The following AFG3L2 variants were observed in gnomAD, a reference collection of about 807,000 sequenced individuals.
AFG3L2 encodes the protein AFG3 like matrix AAA peptidase subunit 2.
A neutral mutation model predicts 94.5 loss-of-function variants in AFG3L2; 54 were observed. The ratio of observed to expected loss-of-function variants is 0.57; its 90% CI spans 0.46 to 0.72. The LOEUF (loss-of-function observed/expected upper bound fraction) is 0.72, where lower values mean the gene tolerates loss of function less well. Among genes scored for constraint, AFG3L2 ranks in the 30% least tolerant of loss-of-function variants. The pLI is 0.00. For missense variants in AFG3L2, 754 were observed against 994.9 expected (o/e 0.76, Z 3.26); for synonymous variants, 377 against 365.5 (o/e 1.03, Z -0.36).
chr18:12,332,959 TATA>T (rs1297591967), intron 16 of AFG3L2, among the ~76,000 whole-genome samples: 2 of 17,262 alleles, frequency 1.2e-4, no homozygotes, highest in Non-Finnish European at 4.4e-4. Flanking sequence ...TATTATATAC[TATA>T]ATATATTATA....
At chr18:12,333,629 T>C (rs1351880301) in intron 16 of AFG3L2, among the ~76,000 whole-genome samples, 1 of 151,946 alleles carries the variant, frequency 6.6e-6, no homozygotes, top group Non-Finnish European at 1.5e-5. Context: ...CCTCCCAAAG[T>C]GCTGGGATTA....
intron 16 of AFG3L2, among the ~76,000 whole-genome samples, chr18:12,332,573 A>G (rs1288754780): frequency 6.6e-6 from 1 of 151,900 alleles, no homozygotes; most frequent in Non-Finnish European, 1.5e-5. Context: ...GATAATCCCC[A>G]TGTAACCACT....
chr18:12,370,297 T>C, intron 3 of AFG3L2, among the ~76,000 whole-genome samples: 1 of 152,120 alleles, frequency 6.6e-6, no homozygotes, highest in East Asian at 1.9e-4. Flanking sequence ...CTACCAAATA[T>C]GCTTAGTTTG....
chr18:12,344,372 A>G, intron 13 of AFG3L2, 125 bp from the exon 14 acceptor site: 3 of 790,452 alleles, frequency 3.8e-6, no homozygotes, highest in Non-Finnish European at 6.5e-6. Flanking sequence ...TGCCTATCAC[A>G]ATCCAAAAAT....
chr18:12,348,369 T>G lies in AFG3L2; in HGVS notation c.1567A>C (p.Asn523His). Reference protein sequence around the residue: ...TPGFSGADVANVCNEAALIAA... With the variant: ...TPGFSGADVAHVCNEAALIAA... Reference sequence around the variant, plus strand: ...ATCAACGCAGCTTCATTACAGACATTAGCAACATCAGCACCTAAAAAATGA... The same window carrying G: ...ATCAACGCAGCTTCATTACAGACATGAGCAACATCAGCACCTAAAAAATGA... Residue 523 changes from asparagine to histidine, a missense_variant, in exon 13 of 17, where the codon AAT becomes CAT. Asn to His is a moderately conservative substitution (Grantham distance 68, BLOSUM62 1). Coordinates refer to ENST00000269143, the MANE Select transcript of AFG3L2 (RefSeq NM_006796.3). 1 of 1,614,076 alleles carries G rather than the reference T, an allele frequency of 6.2e-7. No individual in the cohort carries two copies. The highest frequency in any genetic ancestry group is 8.5e-7 in the Non-Finnish European group (1 of 1,179,970).
chr18:12,377,096 GC>G lies in AFG3L2; in HGVS notation c.-15del. On this transcript the variant is annotated 5_prime_UTR_variant, in exon 1 of 17. Coordinates refer to ENST00000269143, the MANE Select transcript of AFG3L2 (RefSeq NM_006796.3). ...GCGGTGCGCCATGGCCGCCGCCGTG[GC>G]CCTCTCGGCCCGGGACGCTGCGCAG... 2 of 1,394,070 alleles carry G rather than the reference GC, an allele frequency of 1.4e-6. 1 individual carries two copies. The highest frequency in any genetic ancestry group is 1.9e-6 in the Non-Finnish European group (2 of 1,071,054). 86.4% of individuals were successfully genotyped at this position (1,394,070 alleles called of 1,614,324 possible).
chr18:12,361,574 G>A (rs988654015), intron 6 of AFG3L2, among the ~76,000 whole-genome samples: 1 of 152,182 alleles, frequency 6.6e-6, no homozygotes. Context: ...TTGAACCTGG[G>A]AGGCGGAAGT....
intron 16 of AFG3L2, among the ~76,000 whole-genome samples, chr18:12,335,862 T>C (rs762696252): frequency 6.6e-6 from 1 of 152,272 alleles, no homozygotes; most frequent in Non-Finnish European, 1.5e-5. Context: ...CTCATTTCAC[T>C]GCACACTTTT....
Position 12,377,086 on chromosome 18 carries a change from C to G in AFG3L2, c.-4G>C. 7.1e-7 allele frequency: 1 copy of G among 1,412,532 alleles called. No homozygotes were observed. Among genetic ancestry groups the G allele is most frequent in the Non-Finnish European group, 9.2e-7 (1 of 1,082,264 alleles). The allele number at this position is 1,412,532 out of a possible 1,614,324, so 87.5% of individuals were successfully genotyped here. On this transcript the variant is annotated 5_prime_UTR_variant, in exon 1 of 17. Coordinates refer to ENST00000269143, the MANE Select transcript of AFG3L2 (RefSeq NM_006796.3). Reference sequence around the variant, plus strand: ...GCCGCAAACAGCGGTGCGCCATGGCCGCCGCCGTGGCCCTCTCGGCCCGGG... The same window carrying G: ...GCCGCAAACAGCGGTGCGCCATGGCGGCCGCCGTGGCCCTCTCGGCCCGGG...
Position 12,370,931 on chromosome 18 carries a change from TAGAAAA to T in AFG3L2, c.215-11_215-6del, listed in dbSNP as rs533823759. ...TAGGAAAGTATTTTTCAAATCCTGT[TAGAAAA>T]AGAAAAAAAATACTTATCTTCAAAC... On this transcript the variant is annotated splice_polypyrimidine_tract_variant and splice_region_variant and intron_variant, in intron 2 of 16. Coordinates refer to ENST00000269143, the MANE Select transcript of AFG3L2 (RefSeq NM_006796.3). 2.7e-4 allele frequency: 410 copies of T among 1,500,916 alleles called. 1 individual carries two copies. Among genetic ancestry groups the T allele is most frequent in the Middle Eastern group, 5.5e-4 (3 of 5,460 alleles). The allele number at this position is 1,500,916 out of a possible 1,614,324, so 93.0% of individuals were successfully genotyped here.
intron 3 of AFG3L2, among the ~76,000 whole-genome samples, chr18:12,370,467 T>C (rs1004305420): frequency 1.5e-5 from 2 of 133,522 alleles, no homozygotes; most frequent in East Asian, 2.3e-4. Flanking sequence ...AACTTTCTTT[T>C]TTTTTTTTTT....
At position 12,367,346 on chromosome 18, in the gene AFG3L2, C is replaced by T; in HGVS notation, c.329G>A (p.Gly110Glu). The change falls in exon 4 of 17, where the codon GGA (glycine) becomes GAA (glutamate). Residue 110 changes from glycine to glutamate, a missense_variant. By Grantham distance (98) the Gly-to-Glu change is moderately conservative. Around this residue, in one of 4 missense-constraint regions of AFG3L2, gnomAD observed 236 missense variants for 214.0 expected, o/e 1.10. Coordinates refer to ENST00000269143, the MANE Select transcript of AFG3L2 (RefSeq NM_006796.3). ...TCGTTTTCCACCGCCACCACCTCCT[C>T]CTCCAGAAGAGCGTGTGGTAGCAGC... ...KPAATTRSSGGGGGGGGKRGG... is the reference protein window; with the variant it reads ...KPAATTRSSGEGGGGGGKRGG... The T allele has an allele frequency of 3.1e-6, 5 of 1,614,204 alleles. No individual in the cohort carries two copies. Among genetic ancestry groups the T allele is most frequent in the Non-Finnish European group, 4.2e-6 (5 of 1,180,042 alleles).
intron 9 of AFG3L2, 76 bp from the exon 10 acceptor site, chr18:12,353,234 G>A: frequency 6.4e-7 from 1 of 1,564,762 alleles, no homozygotes; most frequent in South Asian, 1.1e-5. Context: ...AAATAAATCG[G>A]CCGGGCACAG....
chr18:12,340,998 T>C (rs896301069), intron 14 of AFG3L2: 1 of 153,530 alleles, frequency 6.5e-6, no homozygotes, highest in Non-Finnish European at 1.4e-5. Context: ...CTACAAGCAA[T>C]TCCCCCACCT....
At chr18:12,344,397 A>G (rs765874541) in intron 13 of AFG3L2, 150 bp from the exon 14 acceptor site, 5 of 689,618 alleles carry the variant, frequency 7.3e-6, no homozygotes, top group East Asian at 2.8e-5. Flanking sequence ...AATCAAGGCC[A>G]GGCGCAGTGG....
intron 5 of AFG3L2, among the ~76,000 whole-genome samples, chr18:12,366,077 C>T (rs923700321): frequency 2.6e-5 from 4 of 152,004 alleles, no homozygotes; most frequent in Non-Finnish European, 5.9e-5. Context: ...GGGGTTTCAC[C>T]ATGTTAGCCA....
At chr18:12,362,745 T>C (rs573120837) in intron 6 of AFG3L2, among the ~76,000 whole-genome samples, 2 of 152,262 alleles carry the variant, frequency 1.3e-5, no homozygotes, top group East Asian at 3.9e-4. Flanking sequence ...CGCTGGGCTA[T>C]TTCTCATTTT....
chr18:12,330,518 C>T lies in AFG3L2; in HGVS notation c.2176-735G>A, dbSNP rs144368251. ...GGCAGCCAAGTGCAGTGGCTCACAC[C>T]TGTAATCCCAGCACTTTGGGAGGCC... On this transcript the variant is annotated intron_variant, in intron 16 of 16. Transcript: ENST00000269143. Among the ~76,000 whole-genome samples, 543 of 152,254 alleles carry T rather than the reference C, an allele frequency of 3.6e-3. 1 individual carries two copies. The highest frequency in any genetic ancestry group is 6.3e-3 in the Non-Finnish European group (426 of 68,006).
chr18:12,374,492 G>T (rs1267348155), intron 1 of AFG3L2, among the ~76,000 whole-genome samples: 1 of 152,132 alleles, frequency 6.6e-6, no homozygotes, highest in African/African-American at 2.4e-5. Context: ...CTCCCTCACA[G>T]CACAGTAATG....
Sources: gnomAD v4.1 joint callset for allele counts (sites outside exome capture counted in the v4.1 genomes callset) on GRCh38, gnomAD v4.1.1 for gene constraint, gnomAD v4.1.1 regional missense constraint, MANE v1.5 for transcripts, NCBI Gene and HGNC (gene_info 2026-07-23, HGNC 2026-07-21) for gene names.